The following KDELR2 variants were observed in gnomAD, a reference collection of about 807,000 sequenced individuals.
The protein encoded by KDELR2 is ER lumen protein-retaining receptor 2.
A neutral mutation model predicts 23.9 loss-of-function variants in KDELR2; 15 were observed. The ratio of observed to expected loss-of-function variants is 0.63; its 90% CI spans 0.42 to 0.97. KDELR2 has a LOEUF of 0.97. KDELR2 is among the 50% of genes least tolerant of loss of function. The pLI is 0.00. For synonymous variants in KDELR2, 119 were observed against 106.2 expected (o/e 1.12, Z -0.74); for missense variants, 272 against 254.6 (o/e 1.07, Z -0.46).
intron 1 of KDELR2, among the ~76,000 whole-genome samples, chr7:6,481,869 T>C (rs1217628203): frequency 6.6e-6 from 1 of 152,242 alleles, no homozygotes; most frequent in Admixed American, 6.5e-5. Context: ...GAGTTACTAA[T>C]TGTGCTTCAA....
In KDELR2 at chr7:6,466,242, C is replaced by T. The variant is rs771624924; in HGVS notation, c.433G>A (p.Glu145Lys). The change falls in exon 4 of 5, where the codon GAG becomes AAG. Residue 145 changes from glutamate (E) to lysine (K), a missense_variant. Transcript: ENST00000258739. ...LFMISKTGEA[E>K]TITTHYLFFL... ...AACAGGTAGTGGGTGGTGATGGTCT[C>T]GGCCTCCCCAGTCTTGCTGATCATA... The T allele has an allele frequency of 9.9e-6, 16 of 1,613,994 alleles. No individual in the cohort carries two copies. Among genetic ancestry groups the T allele is most frequent in the East Asian group, 2.2e-5 (1 of 44,902 alleles).
chr7:6,469,512 C>G (rs960573388), intron 3 of KDELR2, 84 bp downstream of exon 3: 1 of 1,346,942 alleles, frequency 7.4e-7, no homozygotes, highest in Non-Finnish European at 1.0e-6. Context: ...AAAGTGGAGG[C>G]TGAACTCCGC....
intron 2 of KDELR2, among the ~76,000 whole-genome samples, chr7:6,472,216 C>A (rs887891318): frequency 6.6e-6 from 1 of 152,190 alleles, no homozygotes; most frequent in Non-Finnish European, 1.5e-5. Context: ...GCGCATCTAG[C>A]CAAGGCTCAC....
intron 4 of KDELR2, among the ~76,000 whole-genome samples, chr7:6,464,414 G>C (rs1010697891): frequency 6.6e-6 from 1 of 152,062 alleles, no homozygotes; most frequent in Non-Finnish European, 1.5e-5. Flanking sequence ...AGTTACTAGG[G>C]TGGTCAAGGC....
At chr7:6,474,710 G>T (rs915470208) in intron 1 of KDELR2, among the ~76,000 whole-genome samples, 1 of 152,166 alleles carries the variant, frequency 6.6e-6, no homozygotes, top group Admixed American at 6.5e-5. Context: ...TGCTGCCCAG[G>T]CTGGAGTGCA....
intron 1 of KDELR2, among the ~76,000 whole-genome samples, chr7:6,474,499 G>A (rs1785715697): frequency 1.3e-5 from 2 of 152,096 alleles, no homozygotes; most frequent in Non-Finnish European, 2.9e-5. Context: ...AGGCTTTTCT[G>A]TCTCACTATA....
intron 3 of KDELR2, among the ~76,000 whole-genome samples, chr7:6,467,382 G>C (rs1034210262): frequency 1.3e-5 from 2 of 152,154 alleles, no homozygotes; most frequent in Non-Finnish European, 2.9e-5. Context: ...AGTCACAACT[G>C]TAATTATGGA....
intron 2 of KDELR2, among the ~76,000 whole-genome samples, chr7:6,471,581 G>A (rs1785643391): frequency 6.6e-6 from 1 of 152,144 alleles, no homozygotes; most frequent in African/African-American, 2.4e-5. Flanking sequence ...TGGTAAAACT[G>A]GCTTCAGTGT....
chr7:6,473,142 C>T (rs1270382885), intron 2 of KDELR2, among the ~76,000 whole-genome samples: 4 of 137,750 alleles, frequency 2.9e-5, no homozygotes, highest in Admixed American at 1.6e-4. Context: ...AGGCTGGTCT[C>T]GGATTCCTTG....
chr7:6,469,952 A>G (rs1195932495), intron 2 of KDELR2, 198 bp from the exon 3 acceptor site: 1 of 453,440 alleles, frequency 2.2e-6, no homozygotes, highest in Admixed American at 3.9e-5. Context: ...CACCAAAATT[A>G]GGACACAGAA....
intron 2 of KDELR2, 170 bp downstream of exon 2, chr7:6,474,014 T>G: frequency 4.1e-6 from 2 of 483,964 alleles, no homozygotes; most frequent in Non-Finnish European, 7.3e-6. Flanking sequence ...ATAGCTCGTT[T>G]AGTCCCAGTT....
chr7:6,479,633 T>C (rs1328639761), intron 1 of KDELR2, among the ~76,000 whole-genome samples: 1 of 152,058 alleles, frequency 6.6e-6, no homozygotes, highest in Admixed American at 6.6e-5. Context: ...CCCGCCACCA[T>C]GCCCGGCTAA....
intron 2 of KDELR2, among the ~76,000 whole-genome samples, chr7:6,471,531 T>C (rs945684034): frequency 3.3e-5 from 5 of 152,150 alleles, no homozygotes; most frequent in Non-Finnish European, 5.9e-5. Flanking sequence ...ACCGGAAATA[T>C]GCTGTAGGAA....
chr7:6,478,346 C>G (rs184737425), intron 1 of KDELR2, among the ~76,000 whole-genome samples: 1 of 152,036 alleles, frequency 6.6e-6, no homozygotes, highest in South Asian at 2.1e-4. Context: ...CAGGGTTTCA[C>G]TATGTTGCCC....
intron 1 of KDELR2, among the ~76,000 whole-genome samples, chr7:6,475,204 G>A (rs944587087): frequency 6.6e-6 from 1 of 152,086 alleles, no homozygotes; most frequent in Admixed American, 6.6e-5. Flanking sequence ...ACATATAGGG[G>A]GGCTAAGGCG....
chr7:6,465,947 C>A (rs543139934), intron 4 of KDELR2, 124 bp downstream of exon 4: 4 of 973,078 alleles, frequency 4.1e-6, no homozygotes, highest in Non-Finnish European at 6.1e-6. Context: ...TGTTATTGGC[C>A]AATCATGAAA....
chr7:6,467,456 GAGTATTTTA>G, intron 3 of KDELR2, among the ~76,000 whole-genome samples: 1 of 152,198 alleles, frequency 6.6e-6, no homozygotes, highest in African/African-American at 2.4e-5. Context: ...GAGGGTCCTT[GAGTATTTTA>G]AAAGTCCAGG....
rs760225978 is a variant in KDELR2 at position 6,466,103 on chromosome 7, T to C, written c.572A>G (p.Tyr191Cys). 5 of 1,613,834 alleles carry C rather than the reference T, an allele frequency of 3.1e-6. No homozygotes were observed. The change falls in exon 4 of 5, where the codon TAC (tyrosine) becomes TGC (cysteine). Residue 191 changes from tyrosine (Y) to cysteine (C), a missense_variant. Tyr to Cys is a radical substitution (Grantham distance 194). Transcript: ENST00000258739. ...VVAGVVQTIL[Y>C]CDFFYLYITK... is the part of the protein sequence containing the mutation. ...AATGTACAAGTAGAAGAAGTCACAG[T>C]ATAGGATGGTCTGGACTACGCCGGC...
Position 6,471,169 on chromosome 7 carries a change from T to C in KDELR2, c.193-1415A>G, listed in dbSNP as rs1483925666. On this transcript the variant is annotated intron_variant, in intron 2 of 4. Transcript: ENST00000258739. ...AATAAATAAATGTATAGCTCACATT[T>C]GTTTCGGTTTTTTTTTTTTTTTTTT... is the stretch of plus-strand genomic sequence containing the variant. Among the ~76,000 whole-genome samples the C allele has an allele frequency of 2.1e-5, 3 of 142,588 alleles. No homozygotes were observed. In the East Asian group the frequency reaches 6.1e-4, roughly 29 times the overall value. The allele number at this position is 142,588 out of a possible 152,430, so 93.5% of individuals were successfully genotyped here. A position where few individuals can be genotyped will look rare whatever the true frequency, so the allele number is the denominator to read the frequency against.
Sources: gnomAD v4.1 joint callset for allele counts (sites outside exome capture counted in the v4.1 genomes callset) on GRCh38, gnomAD v4.1.1 for gene constraint, MANE v1.5 for transcripts, NCBI Gene and HGNC (gene_info 2026-07-23, HGNC 2026-07-21) for gene names.